Variants in PLCB1 observed in about 807,000 individuals in gnomAD.
PLCB1 encodes 1-phosphatidylinositol 4,5-bisphosphate phosphodiesterase beta-1.
PLCB1 carries 46 observed loss-of-function variants against 161.8 expected under a neutral mutation model. That is an observed-to-expected ratio of 0.28 (90% CI 0.22 to 0.36). PLCB1 has a LOEUF of 0.36. PLCB1 is among the 10% of genes least tolerant of loss of function. The pLI, the probability that PLCB1 is intolerant of heterozygous loss-of-function variation, is 1.00. For synonymous variants in PLCB1, 517 were observed against 503.7 expected, an observed-to-expected ratio of 1.03 and a Z score of -0.35; for missense variants, 1,016 against 1,472.5, an observed-to-expected ratio of 0.69 and a Z score of 5.07.
chr20:8,577,437 C>CA (rs11289640), intron 3 of PLCB1, among the ~76,000 whole-genome samples: 206 of 93,824 alleles, frequency 2.2e-3, no homozygotes, highest in South Asian at 0.012. Flanking sequence ...GACCCTGTCT[C>CA]AAAAAAAAAA....
chr20:8,484,586 T>C (rs1173595169), intron 3 of PLCB1, among the ~76,000 whole-genome samples: 6 of 152,010 alleles, frequency 3.9e-5, no homozygotes. Flanking sequence ...GTTCTCGAAC[T>C]CCTGACCTCA....
rs542576383 is a variant in PLCB1, at chr20:8,560,646, T to G, written c.247-67648T>G. On this transcript the variant is annotated intron_variant, in intron 3 of 31. Coordinates refer to ENST00000338037, the MANE Select transcript of PLCB1 (RefSeq NM_015192.4). Reference sequence around the variant, plus strand: ...AATGAGTGAAGGAGAGAGGTAATTTTAAATGTCATCTTTTTTTGTTTGTCC... The same window carrying G: ...AATGAGTGAAGGAGAGAGGTAATTTGAAATGTCATCTTTTTTTGTTTGTCC... 2.0e-3 allele frequency among the ~76,000 whole-genome samples: 299 copies of G among 152,100 alleles called. 1 individual carries two copies. The highest frequency in any genetic ancestry group is 7.1e-3 in the African/African-American group (293 of 41,514).
At chr20:8,598,244 T>TAA (rs1987405443) in intron 3 of PLCB1, among the ~76,000 whole-genome samples, 1 of 56,810 alleles carries the variant, frequency 1.8e-5, no homozygotes, top group African/African-American at 7.0e-5. Flanking sequence ...TTTAGTGCTA[T>TAA]AAATTTCCCT....
chr20:8,486,544 G>A (rs533838412), intron 3 of PLCB1, among the ~76,000 whole-genome samples: 7 of 131,314 alleles, frequency 5.3e-5, no homozygotes, highest in Admixed American at 4.2e-4. Context: ...GCCGGACTGC[G>A]GACTGCAGTG....
intron 2 of PLCB1, among the ~76,000 whole-genome samples, chr20:8,283,807 A>C (rs981237942): frequency 6.6e-6 from 1 of 152,056 alleles, no homozygotes. Context: ...TATTGTTTTG[A>C]TATCTATTTC....
At chr20:8,616,054 A>G (rs531128210) in intron 3 of PLCB1, among the ~76,000 whole-genome samples, 3 of 152,182 alleles carry the variant, frequency 2.0e-5, no homozygotes, top group Non-Finnish European at 2.9e-5. Flanking sequence ...CATTTCTTCA[A>G]CCCCAAAACT....
intron 23 of PLCB1, among the ~76,000 whole-genome samples, chr20:8,746,298 G>T (rs1981167921): frequency 6.6e-6 from 1 of 152,068 alleles, no homozygotes; most frequent in South Asian, 2.1e-4. Flanking sequence ...TTACAGAGAT[G>T]CCTAGTGAAA....
At chr20:8,632,034 GCT>G (rs1988607350) in intron 4 of PLCB1, among the ~76,000 whole-genome samples, 76 of 81,752 alleles carry the variant, frequency 9.3e-4, no homozygotes, top group Non-Finnish European at 1.0e-3. Flanking sequence ...GGTTTTTTTT[GCT>G]TTTTTTTTTT....
intron 3 of PLCB1, among the ~76,000 whole-genome samples, chr20:8,532,108 T>A (rs1019067109): frequency 6.6e-6 from 1 of 152,222 alleles, no homozygotes; most frequent in Non-Finnish European, 1.5e-5. Context: ...CCTACCTTAA[T>A]CTAAAATTAG....
intron 3 of PLCB1, among the ~76,000 whole-genome samples, chr20:8,621,667 A>C (rs1192034962): frequency 1.3e-5 from 2 of 152,232 alleles, no homozygotes; most frequent in African/African-American, 4.8e-5. Flanking sequence ...GTGCTATTTA[A>C]GTTTTATTCT....
At chr20:8,853,779 T>C (rs1431482438) in intron 31 of PLCB1, among the ~76,000 whole-genome samples, 1 of 152,216 alleles carries the variant, frequency 6.6e-6, no homozygotes, top group Non-Finnish European at 1.5e-5. Flanking sequence ...TCCTAAATGA[T>C]GACACTCAGA....
chr20:8,212,344 T>G (rs1978869876), intron 2 of PLCB1, among the ~76,000 whole-genome samples: 1 of 152,170 alleles, frequency 6.6e-6, no homozygotes, highest in African/African-American at 2.4e-5. Flanking sequence ...TAGTAATTGT[T>G]CAATTTTTTC....
chr20:8,480,445 G>A (rs889752101), intron 3 of PLCB1, among the ~76,000 whole-genome samples: 2 of 152,132 alleles, frequency 1.3e-5, no homozygotes, highest in Non-Finnish European at 2.9e-5. Context: ...TCTGAAGAGC[G>A]TCACTGAGAA....
At chr20:8,233,588 T>TAG (rs1980178685) in intron 2 of PLCB1, among the ~76,000 whole-genome samples, 1 of 152,270 alleles carries the variant, frequency 6.6e-6, no homozygotes, top group South Asian at 2.1e-4. Context: ...TACACTCTTC[T>TAG]AAATAGTATA....
intron 3 of PLCB1, among the ~76,000 whole-genome samples, chr20:8,563,492 G>T (rs1412388091): frequency 1.3e-5 from 2 of 151,954 alleles, no homozygotes; most frequent in Non-Finnish European, 2.9e-5. Context: ...GTTCAGAGAA[G>T]TTTGTCTCCT....
chr20:8,852,958 C>T (rs2146303928), intron 31 of PLCB1, among the ~76,000 whole-genome samples: 1 of 152,216 alleles, frequency 6.6e-6, no homozygotes, highest in Non-Finnish European at 1.5e-5. Context: ...GTGTGGCAGC[C>T]CCCATATCCA....
intron 2 of PLCB1, among the ~76,000 whole-genome samples, chr20:8,323,910 G>A (rs909227200): frequency 6.6e-6 from 1 of 151,370 alleles, no homozygotes; most frequent in Non-Finnish European, 1.5e-5. Flanking sequence ...TTATAATATA[G>A]TGATGCTTTT....
At chr20:8,820,876 A>G (rs1469942024) in intron 31 of PLCB1, among the ~76,000 whole-genome samples, 2 of 152,226 alleles carry the variant, frequency 1.3e-5, no homozygotes, top group Non-Finnish European at 2.9e-5. Flanking sequence ...AACAAGTGGG[A>G]GGAAAATATA....
chr20:8,517,872 A>G (rs2423360), intron 3 of PLCB1, among the ~76,000 whole-genome samples: 65,638 of 152,000 alleles, frequency 0.43, 14,865 homozygotes, highest in African/African-American at 0.55. Flanking sequence ...AGCCACATAA[A>G]CTTGACAGCC....
Sources: gnomAD v4.1 joint callset for allele counts (sites outside exome capture counted in the v4.1 genomes callset) on GRCh38, gnomAD v4.1.1 for gene constraint, MANE v1.5 for transcripts, NCBI Gene and HGNC (gene_info 2026-07-23, HGNC 2026-07-21) for gene names.